NUAK2: variants seen among roughly 807,000 people sequenced by gnomAD.
NUAK2 encodes the protein NUAK family kinase 2, also known as NUAK family SNF1-like kinase 2.
In NUAK2, 20 loss-of-function variants were observed where a neutral mutation model predicts 29.8. The observed-to-expected ratio is 0.67, with a 90% CI of 0.47 to 0.98. The LOEUF is 0.98. NUAK2 is among the 50% of genes least tolerant of loss of function. The pLI, the probability that NUAK2 is intolerant of heterozygous loss-of-function variation, is 0.00. For missense variants in NUAK2, 719 were observed against 834.5 expected, an observed-to-expected ratio of 0.86 and a Z score of 1.71; for synonymous variants, 331 against 342.6, an observed-to-expected ratio of 0.97 and a Z score of 0.37.
intron 1 of NUAK2, among the ~76,000 whole-genome samples, chr1:205,315,750 G>A (rs1183109482): frequency 6.6e-6 from 1 of 152,068 alleles, no homozygotes; most frequent in African/African-American, 2.4e-5. Context: ...ATGCATTCCT[G>A]TAATCTCAGC....
intron 1 of NUAK2, among the ~76,000 whole-genome samples, chr1:205,313,738 A>C (rs1662286275): frequency 6.6e-6 from 1 of 151,790 alleles, no homozygotes; most frequent in African/African-American, 2.4e-5. Context: ...TGAGTCTATG[A>C]AATTAGCCGT....
chr1:205,308,655 G>T lies in NUAK2; in HGVS notation c.430C>A (p.Arg144=), dbSNP rs201895375. ...GCTTCGCGCTCACTGAGCTGCTGCC[G>T]CTCGCTGATGTAGTCATAAAGGTCG... ...RGDLYDYISE[R]QQLSEREARH... is the part of the protein sequence containing the mutation. Residue 144 remains arginine (R), a synonymous_variant, in exon 3 of 7, where the codon CGG becomes AGG. Transcript: ENST00000367157. This position sits in a 1 kb window ranked among gnomAD's most constrained non-coding sequence, Gnocchi z 4.1. 3.8e-5 allele frequency: 61 copies of T among 1,613,922 alleles called. No individual in the cohort carries two copies. The highest frequency in any genetic ancestry group is 1.3e-5 in the Non-Finnish European group (15 of 1,180,022).
intron 1 of NUAK2, among the ~76,000 whole-genome samples, chr1:205,316,955 C>T (rs116121961): frequency 0.012 from 1,814 of 152,322 alleles, 14 homozygotes; most frequent in Admixed American, 0.017. Context: ...ACAATCAGGA[C>T]TGAAGATGGA....
At position 205,308,543 on chromosome 1, in the gene NUAK2, A is replaced by G. The variant is rs41264883; in HGVS notation, c.504+38T>C. ...AAACAGCCCTAGAGCCCTGGGGACC[A>G]CCCACTGAGAATATGGCTGGAGCAG... On this transcript the variant is annotated intron_variant, in intron 3 of 6. Transcript: ENST00000367157. The surrounding 1 kb of genome is among the most constrained non-coding windows in gnomAD (Gnocchi z 4.1). The G allele has an allele frequency of 0.012, 19,033 of 1,600,300 alleles. 151 individuals are homozygous for G. The highest frequency in any genetic ancestry group is 0.014 in the Middle Eastern group (84 of 5,998).
intron 1 of NUAK2, among the ~76,000 whole-genome samples, chr1:205,315,211 A>G (rs1197697348): frequency 6.6e-6 from 1 of 152,194 alleles, no homozygotes; most frequent in African/African-American, 2.4e-5. Flanking sequence ...AGACAAAAAG[A>G]GCCATGCATC....
intron 1 of NUAK2, 63 bp from the exon 2 acceptor site, chr1:205,311,888 G>T: frequency 6.2e-7 from 1 of 1,604,072 alleles, no homozygotes; most frequent in African/African-American, 1.3e-5. Flanking sequence ...GGGGGCCCTG[G>T]TCCTGGTGGT....
Position 205,304,237 on chromosome 1 carries a change from C to A in NUAK2, c.1100G>T (p.Gly367Val), listed in dbSNP as rs1167422827. ...HAPGGGSTTP[G>V]LERQHSLKKS... ...CTTGAGCGAATGCTGGCGCTCCAGG[C>A]CAGGGGTGGTGCTTCCCCCACCAGG... The change falls in exon 7 of 7, where the codon GGC becomes GTC. Residue 367 changes from glycine (G) to valine (V), a missense_variant. Physicochemically the swap from Gly to Val is moderately radical, Grantham distance 109 (BLOSUM62 -3). This residue lies in a region of NUAK2 where 430 missense variants were observed against 465.7 expected (regional missense o/e 0.92). Transcript: ENST00000367157. This position sits in a 1 kb window ranked among gnomAD's most constrained non-coding sequence, Gnocchi z 6.5. 5 of 1,614,040 alleles carry A rather than the reference C, an allele frequency of 3.1e-6. No individual in the cohort carries two copies. The highest frequency in any genetic ancestry group is 1.1e-5 in the South Asian group (1 of 91,086).
At chr1:205,318,949 G>T (rs547913211) in intron 1 of NUAK2, among the ~76,000 whole-genome samples, 1 of 152,174 alleles carries the variant, frequency 6.6e-6, no homozygotes, top group South Asian at 2.1e-4. Flanking sequence ...TGGGATGGAA[G>T]TCACCCAGCT....
At chr1:205,307,381 C>G (rs1376228661) in intron 4 of NUAK2, among the ~76,000 whole-genome samples, 1 of 152,166 alleles carries the variant, frequency 6.6e-6, no homozygotes, top group African/African-American at 2.4e-5. Flanking sequence ...GGCTTCCCTC[C>G]CTTCTGCTCA....
At chr1:205,311,188 A>G (rs981085621) in intron 2 of NUAK2, among the ~76,000 whole-genome samples, 1 of 152,190 alleles carries the variant, frequency 6.6e-6, no homozygotes, top group Non-Finnish European at 1.5e-5. Flanking sequence ...AAGGAGAGGT[A>G]GGAGCCAGCC....
chr1:205,314,373 G>A (rs1051323505), intron 1 of NUAK2, among the ~76,000 whole-genome samples: 2 of 152,242 alleles, frequency 1.3e-5, no homozygotes, highest in African/African-American at 2.4e-5. Context: ...CAGGGGATGC[G>A]ATGGGGCTAT....
chr1:205,318,433 C>T (rs1427613641), intron 1 of NUAK2, among the ~76,000 whole-genome samples: 3 of 152,246 alleles, frequency 2.0e-5, no homozygotes, highest in Non-Finnish European at 4.4e-5. Context: ...GCATGCCACT[C>T]ACCAGCTACA....
chr1:205,321,081 T>C (rs113454655), intron 1 of NUAK2, among the ~76,000 whole-genome samples: 2 of 152,098 alleles, frequency 1.3e-5, no homozygotes, highest in Admixed American at 6.5e-5. Flanking sequence ...TCAACTTAAG[T>C]CCCATCCATC....
At position 205,308,704 on chromosome 1, in the gene NUAK2, G is replaced by A. The variant is rs961766923; in HGVS notation, c.381C>T (p.Ile127=). The A allele has an allele frequency of 6.8e-6, 11 of 1,614,030 alleles. No homozygotes were observed. Among genetic ancestry groups the A allele is most frequent in the Non-Finnish European group, 9.3e-6 (11 of 1,179,988 alleles). Reference sequence around the variant, plus strand: ...CGCCCCGGCTGGCATACTCCATGACGATCACGATCTTGCTGCTGTTCTCAA... The same window carrying A: ...CGCCCCGGCTGGCATACTCCATGACAATCACGATCTTGCTGCTGTTCTCAA... ...EVFENSSKIV[I]VMEYASRGDL... The change falls in exon 3 of 7, where the codon ATC becomes ATT. Residue 127 remains isoleucine, a synonymous_variant. Coordinates refer to ENST00000367157, the MANE Select transcript of NUAK2 (RefSeq NM_030952.3). This position sits in a 1 kb window ranked among gnomAD's most constrained non-coding sequence, Gnocchi z 4.1.
chr1:205,307,583 T>A (rs2102646942), intron 4 of NUAK2, among the ~76,000 whole-genome samples: 1 of 152,312 alleles, frequency 6.6e-6, no homozygotes. Flanking sequence ...CCCTGTGCCA[T>A]GTCCTTCCTC....
chr1:205,319,828 A>G (rs946658545), intron 1 of NUAK2, among the ~76,000 whole-genome samples: 2 of 152,076 alleles, frequency 1.3e-5, no homozygotes, highest in Non-Finnish European at 2.9e-5. Flanking sequence ...CTCCTTCACC[A>G]ATGAAATGAC....
chr1:205,304,437 G>C lies in NUAK2; in HGVS notation c.900C>G (p.His300Gln). The C allele has an allele frequency of 6.3e-7, 1 of 1,577,806 alleles. No homozygotes were observed. The highest frequency in any genetic ancestry group is 8.6e-7 in the Non-Finnish European group (1 of 1,160,004). The part of the protein sequence containing the change: ...RRATLEDVAS[H>Q]WWVNWGYATR... ...TGGCGTAGCCCCAGTTGACCCACCAGTGACTGGCCACATCCTCCAGGGTGG... is the reference window on the plus strand; with the variant it reads ...TGGCGTAGCCCCAGTTGACCCACCACTGACTGGCCACATCCTCCAGGGTGG... Residue 300 changes from histidine (H) to glutamine (Q), a missense_variant, in exon 7 of 7, where the codon CAC (histidine) becomes CAG (glutamine). Transcript: ENST00000367157. This position sits in a 1 kb window ranked among gnomAD's most constrained non-coding sequence, Gnocchi z 6.5.
Position 205,308,720 on chromosome 1 carries a change from C to T in NUAK2, c.365G>A (p.Ser122Asn). Reference sequence around the variant, plus strand: ...CTCCATGACGATCACGATCTTGCTGCTGTTCTCAAACACTGGGCAGAGCAA... The same window carrying T: ...CTCCATGACGATCACGATCTTGCTGTTGTTCTCAAACACTGGGCAGAGCAA... ...IIAIHEVFENSSKIVIVMEYA... is the reference protein window; with the variant it reads ...IIAIHEVFENNSKIVIVMEYA... The change falls in exon 3 of 7, where the codon AGC becomes AAC. Residue 122 changes from serine (S) to asparagine (N), a missense_variant. Coordinates refer to ENST00000367157, the MANE Select transcript of NUAK2 (RefSeq NM_030952.3). The surrounding 1 kb of genome is among the most constrained non-coding windows in gnomAD (Gnocchi z 4.1). 6.2e-7 allele frequency: 1 copy of T among 1,614,064 alleles called. No homozygotes were observed. The highest frequency in any genetic ancestry group is 8.5e-7 in the Non-Finnish European group (1 of 1,180,006).
rs978055598 is a variant in NUAK2, at chr1:205,321,739, A to G, written c.-111T>C. ...GGACGGGGAGCCACAGCAGTACCAGAGCGCGCAGTAAAGCACAGCATTCCA... is the reference window on the plus strand; with the variant it reads ...GGACGGGGAGCCACAGCAGTACCAGGGCGCGCAGTAAAGCACAGCATTCCA... On this transcript the variant is annotated 5_prime_UTR_variant, in exon 1 of 7. Coordinates refer to ENST00000367157, the MANE Select transcript of NUAK2 (RefSeq NM_030952.3). The G allele has an allele frequency of 2.4e-6, 2 of 845,224 alleles. No homozygotes were observed. The highest frequency in any genetic ancestry group is 5.0e-5 in the Admixed American group (2 of 39,966). The allele number at this position is 845,224 out of a possible 1,614,324, so 52.4% of individuals were successfully genotyped here. A position where few individuals can be genotyped will look rare whatever the true frequency, so the allele number is the denominator to read the frequency against.
Sources: gnomAD v4.1 joint callset for allele counts (sites outside exome capture counted in the v4.1 genomes callset) on GRCh38, gnomAD v4.1.1 for gene constraint, gnomAD v4.1.1 regional missense constraint, Gnocchi (gnomAD v3.1) non-coding constraint, MANE v1.5 for transcripts, NCBI Gene and HGNC (gene_info 2026-07-23, HGNC 2026-07-21) for gene names.